Variants in LRRC7 observed in about 807,000 individuals in gnomAD.
LRRC7 encodes leucine-rich repeat-containing protein 7.
LRRC7 carries 23 observed loss-of-function variants against 175.7 expected under a neutral mutation model. That is an observed-to-expected ratio of 0.13 (90% confidence interval 0.09 to 0.19). The LOEUF is 0.19. Ranked by LOEUF, LRRC7 falls within the 10% of genes least tolerant of loss-of-function variation. The pLI is 1.00. For synonymous variants in LRRC7, 685 were observed against 680.9 expected, an observed-to-expected ratio of 1.01 and a Z score of -0.09; for missense variants, 1,354 against 1,904.7, an observed-to-expected ratio of 0.71 and a Z score of 5.38.
At chr1:69,712,077 T>C (rs1664812166) in intron 2 of LRRC7, among the ~76,000 whole-genome samples, 2 of 152,162 alleles carry the variant, frequency 1.3e-5, no homozygotes, top group Non-Finnish European at 1.5e-5. Flanking sequence ...AAAAGAGTTA[T>C]GGCCCAAAGC....
At chr1:69,581,809 A>T (rs1304885854) in intron 1 of LRRC7, among the ~76,000 whole-genome samples, 3 of 152,140 alleles carry the variant, frequency 2.0e-5, no homozygotes, top group African/African-American at 7.2e-5. Flanking sequence ...GAAAATACTA[A>T]TTTCTTCCAT....
At chr1:70,103,274 T>G (rs892635440) in intron 25 of LRRC7, among the ~76,000 whole-genome samples, 2 of 152,008 alleles carry the variant, frequency 1.3e-5, no homozygotes, top group Admixed American at 6.6e-5. Context: ...TGTGAATATG[T>G]TACATTACAT....
chr1:69,717,786 GAAAGAAAGAAAGAAAGAAAGAAAGAAAGA>G (rs1665579780), intron 2 of LRRC7, among the ~76,000 whole-genome samples: 1 of 19,308 alleles, frequency 5.2e-5, no homozygotes, highest in African/African-American at 2.9e-4. Flanking sequence ...AAGAAAGAAA[GAAAGAAAGAAAGAAAGAAAGAAAGAAAGA>G]AAGAAAGAAA....
At chr1:69,692,289 A>T (rs916422506) in intron 2 of LRRC7, among the ~76,000 whole-genome samples, 1 of 152,194 alleles carries the variant, frequency 6.6e-6, no homozygotes, top group Non-Finnish European at 1.5e-5. Context: ...TGGGTAAATC[A>T]CCTCACTTCC....
intron 4 of LRRC7, among the ~76,000 whole-genome samples, chr1:69,814,103 G>T (rs944886288): frequency 6.6e-6 from 1 of 151,942 alleles, no homozygotes; most frequent in Non-Finnish European, 1.5e-5. Context: ...GATTACAAAG[G>T]TTGATTAATA....
intron 24 of LRRC7, among the ~76,000 whole-genome samples, chr1:70,083,883 G>A (rs1347899626): frequency 3.3e-5 from 5 of 152,044 alleles, no homozygotes; most frequent in Non-Finnish European, 7.4e-5. Context: ...TTAGTTGGCC[G>A]TAACCTCACA....
At chr1:69,732,087 G>A (rs527517959) in intron 2 of LRRC7, among the ~76,000 whole-genome samples, 2 of 152,020 alleles carry the variant, frequency 1.3e-5, no homozygotes, top group African/African-American at 4.8e-5. Flanking sequence ...AATAAAAAAG[G>A]AAAACAGACT....
intron 3 of LRRC7, among the ~76,000 whole-genome samples, chr1:69,771,824 G>A (rs1672273024): frequency 6.6e-6 from 1 of 152,068 alleles, no homozygotes; most frequent in African/African-American, 2.4e-5. Flanking sequence ...ACGCCATTAT[G>A]AAAATAAAGC....
chr1:69,960,718 G>A (rs1486134304), intron 8 of LRRC7, among the ~76,000 whole-genome samples: 3 of 151,328 alleles, frequency 2.0e-5, no homozygotes, highest in African/African-American at 7.3e-5. Flanking sequence ...CAGAACTAAA[G>A]ACAAAAACCA....
chr1:69,944,021 A>G lies in LRRC7; in HGVS notation c.711+12451A>G, dbSNP rs889848763. ...ATTTACCCTCTTCTCAAATTTTTCAATAGCCATTTCATTATTGTGAACTAC... is the reference window on the plus strand; with the variant it reads ...ATTTACCCTCTTCTCAAATTTTTCAGTAGCCATTTCATTATTGTGAACTAC... On this transcript the variant is annotated intron_variant, in intron 8 of 26. Transcript: ENST00000651989. Among the ~76,000 whole-genome samples, 8 of 151,684 alleles carry G rather than the reference A, an allele frequency of 5.3e-5. No homozygotes were observed. In the South Asian group the frequency reaches 1.0e-3, roughly 20 times the overall value.
At chr1:70,006,738 A>G (rs1156277740) in intron 11 of LRRC7, among the ~76,000 whole-genome samples, 1 of 152,132 alleles carries the variant, frequency 6.6e-6, no homozygotes, top group Non-Finnish European at 1.5e-5. Context: ...TCACAAGTCC[A>G]GGCCTCCTGT....
At chr1:69,797,575 T>C (rs991995218) in intron 4 of LRRC7, among the ~76,000 whole-genome samples, 1 of 152,130 alleles carries the variant, frequency 6.6e-6, no homozygotes, top group Admixed American at 6.6e-5. Context: ...CAAATTTACC[T>C]CCTAAATATA....
intron 5 of LRRC7, among the ~76,000 whole-genome samples, chr1:69,831,585 T>G (rs1010041021): frequency 5.3e-5 from 8 of 152,090 alleles, no homozygotes; most frequent in Admixed American, 1.3e-4. Context: ...ACATCTCAAG[T>G]GTTTTCTTAC....
At chr1:69,778,224 A>C (rs1436927146) in intron 3 of LRRC7, among the ~76,000 whole-genome samples, 1 of 152,116 alleles carries the variant, frequency 6.6e-6, no homozygotes, top group African/African-American at 2.4e-5. Context: ...CCATGTATAC[A>C]ATTCCATAGT....
intron 4 of LRRC7, among the ~76,000 whole-genome samples, chr1:69,806,679 C>T (rs1000979614): frequency 3.3e-5 from 5 of 151,896 alleles, no homozygotes; most frequent in Admixed American, 6.6e-5. Context: ...TTTCTTATTG[C>T]ATTACCATGG....
chr1:70,029,771 ACT>A (rs1658512170), intron 18 of LRRC7, among the ~76,000 whole-genome samples: 1 of 152,206 alleles, frequency 6.6e-6, no homozygotes, highest in South Asian at 2.1e-4. Context: ...GGATAATTTT[ACT>A]ATAAAATAAG....
intron 1 of LRRC7, among the ~76,000 whole-genome samples, chr1:69,610,068 A>G (rs1321949180): frequency 6.6e-6 from 1 of 152,088 alleles, no homozygotes; most frequent in East Asian, 1.9e-4. Flanking sequence ...ATATAATACC[A>G]TATAATTTCA....
At chr1:70,024,366 C>T (rs967073203) in intron 17 of LRRC7, among the ~76,000 whole-genome samples, 4 of 151,528 alleles carry the variant, frequency 2.6e-5, no homozygotes, top group African/African-American at 4.8e-5. Flanking sequence ...AATGCCCTAG[C>T]TATTAACCTT....
intron 6 of LRRC7, among the ~76,000 whole-genome samples, chr1:69,836,395 A>G (rs1681108529): frequency 6.6e-6 from 1 of 152,030 alleles, no homozygotes; most frequent in Admixed American, 6.6e-5. Context: ...CCACAGCCTT[A>G]CAACATACTT....
Sources: gnomAD v4.1 joint callset for allele counts (sites outside exome capture counted in the v4.1 genomes callset) on GRCh38, gnomAD v4.1.1 for gene constraint, MANE v1.5 for transcripts, NCBI Gene and HGNC (gene_info 2026-07-23, HGNC 2026-07-21) for gene names.